MTMR2: variants seen among roughly 807,000 people sequenced by gnomAD.
The protein encoded by MTMR2 is phosphatidylinositol-3,5-bisphosphate 3-phosphatase MTMR2.
Under a neutral mutation model 86.9 loss-of-function variants are expected in MTMR2, and 55 were observed. That is an observed-to-expected ratio of 0.63 (90% CI 0.51 to 0.79). The LOEUF is 0.79. MTMR2 is among the 30% of genes least tolerant of loss of function. The pLI is 0.00. For missense variants in MTMR2, 659 were observed against 772.3 expected, an observed-to-expected ratio of 0.85 and a Z score of 1.74; for synonymous variants, 241 against 266.8, an observed-to-expected ratio of 0.90 and a Z score of 0.94.
intron 2 of MTMR2, among the ~76,000 whole-genome samples, chr11:95,885,735 T>C (rs111705942): frequency 0.031 from 4,720 of 151,600 alleles, 130 homozygotes; most frequent in South Asian, 0.073. Flanking sequence ...ACTCCTTAAG[T>C]GTGGGCTGTG....
intron 1 of MTMR2, among the ~76,000 whole-genome samples, chr11:95,914,936 T>A (rs1048241219): frequency 6.6e-6 from 1 of 152,178 alleles, no homozygotes; most frequent in African/African-American, 2.4e-5. Flanking sequence ...GAGGATTATA[T>A]GAGAAAATGC....
intron 12 of MTMR2, among the ~76,000 whole-genome samples, chr11:95,838,770 A>C (rs1466301624): frequency 6.6e-6 from 1 of 152,022 alleles, no homozygotes; most frequent in Non-Finnish European, 1.5e-5. Context: ...GTCCCTTGTA[A>C]GCCACTATTT....
At chr11:95,870,692 G>A (rs1313478417) in intron 2 of MTMR2, among the ~76,000 whole-genome samples, 9 of 150,314 alleles carry the variant, frequency 6.0e-5, no homozygotes, top group Non-Finnish European at 1.3e-4. Context: ...AAAAACACCA[G>A]GAACCTATCT....
chr11:95,913,455 G>A (rs116846640), intron 1 of MTMR2, among the ~76,000 whole-genome samples: 2,349 of 152,196 alleles, frequency 0.015, 25 homozygotes, highest in South Asian at 0.03. Flanking sequence ...ACAGCATTTG[G>A]ATGGGTGGTT....
At chr11:95,871,957 A>G (rs539781364) in intron 2 of MTMR2, among the ~76,000 whole-genome samples, 1 of 152,314 alleles carries the variant, frequency 6.6e-6, no homozygotes, top group Admixed American at 6.5e-5. Flanking sequence ...ACATATGGCT[A>G]GCCAGTTTTC....
intron 7 of MTMR2, 84 bp from the exon 8 acceptor site, chr11:95,850,833 C>A: frequency 8.2e-7 from 1 of 1,219,582 alleles, no homozygotes. Context: ...CCTGTTCAAT[C>A]TCTCTGACCT....
chr11:95,842,629 A>C (rs1248190962), intron 11 of MTMR2, among the ~76,000 whole-genome samples: 3 of 152,228 alleles, frequency 2.0e-5, no homozygotes, highest in Non-Finnish European at 4.4e-5. Context: ...AGTGTGGTCC[A>C]CAAACATCCA....
rs1361453981 is a variant in MTMR2 at position 95,834,539 on chromosome 11, T to G, written c.*751A>C. 1.3e-5 allele frequency: 2 copies of G among 152,170 alleles called. No homozygotes were observed. The highest frequency in any genetic ancestry group is 3.9e-4 in the East Asian group (2 of 5,186). The allele number at this position is 152,170 out of a possible 1,614,324, so 9.4% of individuals were successfully genotyped here. A position where few individuals can be genotyped will look rare whatever the true frequency, so the allele number is the denominator to read the frequency against. Reference sequence around the variant, plus strand: ...TAGTAAATAATTAGTTTTTAAAATATCTTTCATGATGTTTCTGGTAATTGG... The same window carrying G: ...TAGTAAATAATTAGTTTTTAAAATAGCTTTCATGATGTTTCTGGTAATTGG... On this transcript the variant is annotated 3_prime_UTR_variant, in exon 15 of 15. Coordinates refer to ENST00000346299, the MANE Select transcript of MTMR2 (RefSeq NM_016156.6).
intron 6 of MTMR2, 59 bp from the exon 7 acceptor site, chr11:95,857,694 AGAAAT>A (rs1864263005): frequency 9.0e-7 from 1 of 1,107,176 alleles, no homozygotes; most frequent in African/African-American, 1.5e-5. Flanking sequence ...GTAATGAATC[AGAAAT>A]GTATCCATAT....
chr11:95,845,907 C>T (rs922887378), intron 10 of MTMR2, among the ~76,000 whole-genome samples: 1 of 97,112 alleles, frequency 1.0e-5, no homozygotes, highest in African/African-American at 4.7e-5. Context: ...AAAAAAAGGA[C>T]AATACAGCCC....
rs1170327910 is a variant in MTMR2, at chr11:95,888,196, G to C, written c.146C>G (p.Ser49Cys). 1.7e-5 allele frequency: 27 copies of C among 1,613,562 alleles called. No individual in the cohort carries two copies. The highest frequency in any genetic ancestry group is 2.2e-5 in the Non-Finnish European group (26 of 1,179,732). The change falls in exon 2 of 15, where the codon TCC (serine) becomes TGC (cysteine). Residue 49 changes from serine (S) to cysteine (C), a missense_variant. By Grantham distance (112) the Ser-to-Cys change is moderately radical. Around this residue, in one of 3 missense-constraint regions of MTMR2, gnomAD observed 387 missense variants for 526.3 expected, o/e 0.74. Coordinates refer to ENST00000346299, the MANE Select transcript of MTMR2 (RefSeq NM_016156.6). ...AAAGTTGTCGGCAGAAGTTGAAATG[G>C]AATCTGATGATACAACAGAAGCTGA... Reference protein sequence around the residue: ...TKSASVVSSDSISTSADNFSP... With the variant: ...TKSASVVSSDCISTSADNFSP...
rs555720772 is a variant in MTMR2 at position 95,895,665 on chromosome 11, T to C, written c.81-7404A>G. 8.4e-4 allele frequency among the ~76,000 whole-genome samples: 128 copies of C among 152,172 alleles called. 1 individual carries two copies. Among genetic ancestry groups the C allele is most frequent in the Non-Finnish European group, 1.5e-3 (100 of 67,996 alleles). ...AGGCACTGCTTGTGGGAATGTAAAA[T>C]GGTATAGCCACTTTGGAAGACAGTC... On this transcript the variant is annotated intron_variant, in intron 1 of 14. Coordinates refer to ENST00000346299, the MANE Select transcript of MTMR2 (RefSeq NM_016156.6).
At chr11:95,888,649 C>T (rs1865599922) in intron 1 of MTMR2, among the ~76,000 whole-genome samples, 1 of 152,000 alleles carries the variant, frequency 6.6e-6, no homozygotes, top group Admixed American at 6.6e-5. Flanking sequence ...AGCTCACAAG[C>T]CTGTGACACA....
At chr11:95,922,495 G>T (rs1591059236) in intron 1 of MTMR2, among the ~76,000 whole-genome samples, 1 of 151,688 alleles carries the variant, frequency 6.6e-6, no homozygotes, top group Non-Finnish European at 1.5e-5. Context: ...ATTCAAACGT[G>T]CAATATATAT....
intron 5 of MTMR2, among the ~76,000 whole-genome samples, chr11:95,861,001 CA>C (rs531051512): frequency 6.7e-6 from 1 of 150,104 alleles, no homozygotes; most frequent in African/African-American, 2.4e-5. Flanking sequence ...ACTAAAAATA[CA>C]AAAAAAAATT....
intron 2 of MTMR2, among the ~76,000 whole-genome samples, chr11:95,871,592 T>A (rs1191653304): frequency 6.6e-6 from 1 of 152,238 alleles, no homozygotes; most frequent in Non-Finnish European, 1.5e-5. Flanking sequence ...GGTTGTTTTT[T>A]CTTGTAAATT....
At chr11:95,898,408 A>G (rs1212562308) in intron 1 of MTMR2, among the ~76,000 whole-genome samples, 1 of 152,086 alleles carries the variant, frequency 6.6e-6, no homozygotes, top group African/African-American at 2.4e-5. Flanking sequence ...CTACTCATCT[A>G]GGAACCCCTA....
At chr11:95,923,187 G>A (rs1255470167) in intron 1 of MTMR2, among the ~76,000 whole-genome samples, 2 of 152,126 alleles carry the variant, frequency 1.3e-5, no homozygotes, top group Non-Finnish European at 2.9e-5. Context: ...TGACAACGTG[G>A]AGAACCAGTA....
At chr11:95,906,537 T>C (rs1194648423) in intron 1 of MTMR2, among the ~76,000 whole-genome samples, 1 of 152,096 alleles carries the variant, frequency 6.6e-6, no homozygotes, top group Admixed American at 6.6e-5. Flanking sequence ...CAACACTTGA[T>C]CAAACAGACT....
Sources: allele counts gnomAD v4.1 joint callset (sites outside exome capture counted in the v4.1 genomes callset), GRCh38; gene constraint gnomAD v4.1.1; regional missense constraint gnomAD v4.1.1; transcripts MANE v1.5; gene names NCBI Gene and HGNC (gene_info 2026-07-23, HGNC 2026-07-21).